The following CDH18 variants were observed in gnomAD, a reference collection of about 807,000 sequenced individuals.
The protein encoded by CDH18 is cadherin 18, also known as cadherin-18.
A neutral mutation model predicts 67.9 loss-of-function variants in CDH18; 31 were observed. That is an observed-to-expected ratio of 0.46 (90% CI 0.34 to 0.62). The LOEUF (loss-of-function observed/expected upper bound fraction) is 0.62. Ranked by LOEUF, CDH18 falls within the 20% of genes least tolerant of loss-of-function variation. CDH18 has a pLI of 0.01. For missense variants in CDH18, 890 were observed against 975.5 expected, an observed-to-expected ratio of 0.91 and a Z score of 1.17; for synonymous variants, 362 against 347.2, an observed-to-expected ratio of 1.04 and a Z score of -0.48.
chr5:19,711,466 C>T (rs1561116071), intron 5 of CDH18, among the ~76,000 whole-genome samples: 1 of 151,622 alleles, frequency 6.6e-6, no homozygotes, highest in Non-Finnish European at 1.5e-5. Context: ...ACATAACAGA[C>T]ATTTCTCAAA....
chr5:19,859,989 GGTGTGT>G (rs3065070), intron 2 of CDH18, among the ~76,000 whole-genome samples: 16 of 143,148 alleles, frequency 1.1e-4, no homozygotes, highest in South Asian at 4.6e-4. Flanking sequence ...GTTTGCTTTG[GGTGTGT>G]GTGTGTGTGT....
chr5:20,204,109 C>T (rs983119364), intron 2 of CDH18, among the ~76,000 whole-genome samples: 18 of 152,006 alleles, frequency 1.2e-4, no homozygotes, highest in South Asian at 2.1e-4. Flanking sequence ...CTTCTCAAAA[C>T]TTGAGAAACA....
At chr5:20,302,501 C>T (rs1339081926) in intron 1 of CDH18, among the ~76,000 whole-genome samples, 1 of 152,106 alleles carries the variant, frequency 6.6e-6, no homozygotes, top group Non-Finnish European at 1.5e-5. Flanking sequence ...GCGGATTCAT[C>T]CAAAGCCACA....
intron 5 of CDH18, among the ~76,000 whole-genome samples, chr5:19,669,414 G>A (rs150961501): frequency 3.3e-5 from 5 of 151,280 alleles, no homozygotes; most frequent in African/African-American, 7.3e-5. Context: ...TGCCTCAGCC[G>A]CCTGAGTAGC....
intron 1 of CDH18, among the ~76,000 whole-genome samples, chr5:20,316,178 A>C (rs1162427978): frequency 1.3e-5 from 2 of 152,148 alleles, no homozygotes; most frequent in Non-Finnish European, 2.9e-5. Flanking sequence ...ATATAATGAT[A>C]ACTTTTTATT....
intron 2 of CDH18, among the ~76,000 whole-genome samples, chr5:20,093,694 T>C (rs1745640276): frequency 6.6e-6 from 1 of 152,102 alleles, no homozygotes; most frequent in African/African-American, 2.4e-5. Context: ...GGCTAGGTAA[T>C]CAGGTATTAA....
At chr5:20,321,762 A>C (rs1196752818) in intron 1 of CDH18, among the ~76,000 whole-genome samples, 1 of 151,916 alleles carries the variant, frequency 6.6e-6, no homozygotes, top group African/African-American at 2.4e-5. Flanking sequence ...TCCCCTGTAC[A>C]TCCAAAGAAA....
rs144151470 is a variant in CDH18, at chr5:20,465,595, T to C, written c.-580+109867A>G. ...TAATAAATTATGTTACTAATTAGTA[T>C]GATTTATAGAAATAGTTTAACAGAC... is the stretch of plus-strand genomic sequence containing the variant. On this transcript the variant is annotated intron_variant, in intron 1 of 14. Coordinates refer to the CDH18 transcript ENST00000507958. Among the ~76,000 whole-genome samples, 789 of 152,178 alleles carry C rather than the reference T, an allele frequency of 5.2e-3. 4 individuals carry two copies. The highest frequency in any genetic ancestry group is 0.018 in the African/African-American group (746 of 41,574).
chr5:20,347,641 A>G (rs914607607), intron 1 of CDH18, among the ~76,000 whole-genome samples: 1 of 152,240 alleles, frequency 6.6e-6, no homozygotes, highest in African/African-American at 2.4e-5. Context: ...ACAATTCATC[A>G]AAATAAATAT....
chr5:19,703,601 AC>A (rs1763556801), intron 5 of CDH18, among the ~76,000 whole-genome samples: 2 of 151,984 alleles, frequency 1.3e-5, no homozygotes, highest in African/African-American at 4.8e-5. Context: ...TGCCCCAGTG[AC>A]TGTTCAAGCA....
At chr5:19,859,989 G>GGTGTGT (rs3065070) in intron 2 of CDH18, among the ~76,000 whole-genome samples, 54,756 of 142,980 alleles carry the variant, frequency 0.38, 10,401 homozygotes, top group Middle Eastern at 0.46. Context: ...GTTTGCTTTG[G>GGTGTGT]GTGTGTGTGT....
chr5:20,229,357 G>A (rs1741888054), intron 2 of CDH18, among the ~76,000 whole-genome samples: 1 of 151,880 alleles, frequency 6.6e-6, no homozygotes, highest in South Asian at 2.1e-4. Flanking sequence ...TTGTTCCATT[G>A]AATATTCTAC....
intron 2 of CDH18, among the ~76,000 whole-genome samples, chr5:20,145,132 G>GA: frequency 6.6e-6 from 1 of 151,478 alleles, no homozygotes; most frequent in Admixed American, 6.6e-5. Context: ...GACAAAACAA[G>GA]AAAAAAATCT....
chr5:20,193,203 T>C lies in CDH18; in HGVS notation c.-518+62241A>G, dbSNP rs182724509. 8.2e-4 allele frequency among the ~76,000 whole-genome samples: 124 copies of C among 151,734 alleles called. 1 individual carries two copies. Among genetic ancestry groups the C allele is most frequent in the African/African-American group, 2.8e-3 (114 of 41,396 alleles). On this transcript the variant is annotated intron_variant, in intron 2 of 14. Transcript: ENST00000507958. ...CAAAATAGACCGCTAGTTAGAATAA[T>C]AAAGAAGAGAGAATAATCAAATAAA... is the stretch of plus-strand genomic sequence containing the variant.
At chr5:20,040,093 GA>G (rs1193519086) in intron 2 of CDH18, among the ~76,000 whole-genome samples, 1 of 151,862 alleles carries the variant, frequency 6.6e-6, no homozygotes, top group Non-Finnish European at 1.5e-5. Context: ...ACAAACATAT[GA>G]AAAAAACCTC....
intron 9 of CDH18, among the ~76,000 whole-genome samples, chr5:19,534,717 A>G (rs1482968832): frequency 1.3e-5 from 2 of 152,154 alleles, no homozygotes; most frequent in Non-Finnish European, 2.9e-5. Flanking sequence ...CCAGCCTGGT[A>G]TTCATATCCT....
chr5:20,235,742 A>G lies in CDH18; in HGVS notation c.-518+19702T>C, dbSNP rs148583889. Among the ~76,000 whole-genome samples, 81 of 152,332 alleles carry G rather than the reference A, an allele frequency of 5.3e-4. 1 individual carries two copies. The highest frequency in any genetic ancestry group is 3.4e-3 in the Middle Eastern group (1 of 294). On this transcript the variant is annotated intron_variant, in intron 2 of 14. Coordinates refer to the CDH18 transcript ENST00000507958. ...AGATATCTCAAATAACTGAGAATTGAACTACCATTTGATCCAGCATCCTGC... is the reference window on the plus strand; with the variant it reads ...AGATATCTCAAATAACTGAGAATTGGACTACCATTTGATCCAGCATCCTGC...
rs577330176 is a variant in CDH18, at chr5:19,693,375, T to A, written c.643+27972A>T. Among the ~76,000 whole-genome samples the A allele has an allele frequency of 5.9e-5, 9 of 152,302 alleles. No homozygotes were observed. The South Asian group carries it at 1.9e-3, about 32-fold the overall frequency. ...AATCAACTTATTTTTTTGAAGAGTT[T>A]AAAAAATTCAATTATTACAACCATC... On this transcript the variant is annotated intron_variant, in intron 5 of 12. Coordinates refer to ENST00000382275, the MANE Select transcript of CDH18 (RefSeq NM_004934.5).
intron 2 of CDH18, among the ~76,000 whole-genome samples, chr5:19,860,129 T>G (rs1447986691): frequency 1.3e-5 from 2 of 152,064 alleles, no homozygotes; most frequent in Non-Finnish European, 2.9e-5. Context: ...TTGAATAATT[T>G]TAAGTGATTC....
Sources: allele counts gnomAD v4.1 joint callset (sites outside exome capture counted in the v4.1 genomes callset), GRCh38; gene constraint gnomAD v4.1.1; transcripts MANE v1.5; gene names NCBI Gene and HGNC (gene_info 2026-07-23, HGNC 2026-07-21).